The following PDE3B variants were observed in gnomAD, a reference collection of about 807,000 sequenced individuals.
PDE3B encodes phosphodiesterase 3B.
Under a neutral mutation model 116.8 loss-of-function variants are expected in PDE3B, and 66 were observed. The ratio of observed to expected loss-of-function variants is 0.56; its 90% CI spans 0.46 to 0.69. The LOEUF is 0.69. PDE3B is among the 30% of genes least tolerant of loss of function. The pLI is 0.00. For missense variants in PDE3B, 1,384 were observed against 1,368.1 expected, an observed-to-expected ratio of 1.01 and a Z score of -0.18; for synonymous variants, 595 against 533.6, an observed-to-expected ratio of 1.12 and a Z score of -1.59.
chr11:14,650,630 G>A (rs1853546041), intron 1 of PDE3B, among the ~76,000 whole-genome samples: 1 of 152,176 alleles, frequency 6.6e-6, no homozygotes, highest in African/African-American at 2.4e-5. Context: ...GATTAGAGAA[G>A]ATTTGACAGT....
At chr11:14,656,256 T>C (rs990782404) in intron 1 of PDE3B, among the ~76,000 whole-genome samples, 3 of 152,200 alleles carry the variant, frequency 2.0e-5, no homozygotes, top group Admixed American at 1.3e-4. Context: ...GATTAATGCA[T>C]GTTCCAGTTT....
intron 12 of PDE3B, among the ~76,000 whole-genome samples, chr11:14,844,519 G>A (rs1044001032): frequency 6.6e-6 from 1 of 152,226 alleles, no homozygotes. Context: ...TGCGCGAGCC[G>A]AAGCAGGGCG....
At chr11:14,852,832 A>C (rs1847779848) in intron 12 of PDE3B, among the ~76,000 whole-genome samples, 1 of 152,176 alleles carries the variant, frequency 6.6e-6, no homozygotes, top group African/African-American at 2.4e-5. Context: ...TGGCTGAGAC[A>C]TGAGGATTGC....
the PDE3B span, among the ~76,000 whole-genome samples, chr11:14,894,478 G>GC: frequency 6.6e-6 from 1 of 152,222 alleles, no homozygotes; most frequent in Non-Finnish European, 1.5e-5. Flanking sequence ...TCAGGAGTGG[G>GC]CCCCCTGCCA....
intron 12 of PDE3B, among the ~76,000 whole-genome samples, chr11:14,851,751 C>G (rs1029491514): frequency 6.6e-6 from 1 of 152,084 alleles, no homozygotes; most frequent in Non-Finnish European, 1.5e-5. Flanking sequence ...TCTCTCAAAC[C>G]TAGCACATCA....
chr11:14,685,968 T>A (rs1460772246), intron 1 of PDE3B, among the ~76,000 whole-genome samples: 1 of 152,132 alleles, frequency 6.6e-6, no homozygotes, highest in Non-Finnish European at 1.5e-5. Flanking sequence ...GGTAAGCCCT[T>A]TTATGGTTGC....
At chr11:14,841,287 T>C (rs1860214594) in intron 11 of PDE3B, among the ~76,000 whole-genome samples, 1 of 150,824 alleles carries the variant, frequency 6.6e-6, no homozygotes, top group Non-Finnish European at 1.5e-5. Context: ...GCCAGCCTCC[T>C]TAATTTCATG....
At chr11:14,818,466 G>C (rs1464155606) in intron 6 of PDE3B, 73 bp downstream of exon 6, 6 of 991,328 alleles carry the variant, frequency 6.1e-6, no homozygotes, top group Non-Finnish European at 9.3e-6. Context: ...ATTTTGGATA[G>C]GTTCTTGGAA....
chr11:14,820,806 T>G (rs1474241462), intron 7 of PDE3B, among the ~76,000 whole-genome samples: 1 of 152,144 alleles, frequency 6.6e-6, no homozygotes, highest in Non-Finnish European at 1.5e-5. Flanking sequence ...ATACTGGAAC[T>G]TGGCCAGGCT....
chr11:14,882,912 A>G, the PDE3B span, among the ~76,000 whole-genome samples: 1 of 152,226 alleles, frequency 6.6e-6, no homozygotes, highest in African/African-American at 2.4e-5. Context: ...GAGCCAAATC[A>G]TGAGTGAACT....
intron 1 of PDE3B, among the ~76,000 whole-genome samples, chr11:14,695,313 A>G (rs975736182): frequency 6.6e-6 from 1 of 152,124 alleles, no homozygotes; most frequent in Non-Finnish European, 1.5e-5. Context: ...AGTGTTCCAT[A>G]GTTTGAATGG....
chr11:14,768,548 CTTCA>C (rs1348457193), intron 1 of PDE3B, among the ~76,000 whole-genome samples: 5 of 151,480 alleles, frequency 3.3e-5, no homozygotes, highest in Non-Finnish European at 4.4e-5. Flanking sequence ...GCTGTATGTA[CTTCA>C]TTCATTTTCA....
intron 1 of PDE3B, among the ~76,000 whole-genome samples, chr11:14,756,550 C>A (rs1019032338): frequency 1.5e-4 from 23 of 152,254 alleles, no homozygotes; most frequent in African/African-American, 4.8e-4. Context: ...CCTGCTGGTG[C>A]CTCCCGTAGT....
At chr11:14,854,674 G>C (rs1416918922) in intron 12 of PDE3B, among the ~76,000 whole-genome samples, 1 of 152,066 alleles carries the variant, frequency 6.6e-6, no homozygotes, top group African/African-American at 2.4e-5. Flanking sequence ...ATGCCACCAC[G>C]CCCAGCTAAT....
At chr11:14,725,879 T>C (rs1407298191) in intron 1 of PDE3B, among the ~76,000 whole-genome samples, 1 of 151,830 alleles carries the variant, frequency 6.6e-6, no homozygotes, top group African/African-American at 2.4e-5. Context: ...AAAACCAAAA[T>C]TCTTTGATCA....
chr11:14,687,625 A>G (rs1200578437), intron 1 of PDE3B, among the ~76,000 whole-genome samples: 3 of 152,202 alleles, frequency 2.0e-5, no homozygotes, highest in Non-Finnish European at 4.4e-5. Context: ...GCAGATGGCA[A>G]GTTCCCAGGG....
At chr11:14,651,818 G>A (rs1853582817) in intron 1 of PDE3B, among the ~76,000 whole-genome samples, 1 of 152,112 alleles carries the variant, frequency 6.6e-6, no homozygotes, top group Admixed American at 6.5e-5. Context: ...TTCAATATAT[G>A]TATGACTGTA....
rs549737495 is a variant in PDE3B at position 14,808,837 on chromosome 11, A to G, written c.1522+4787A>G. On this transcript the variant is annotated intron_variant, in intron 5 of 15. Transcript: ENST00000282096. ...GTACAAGACTTTTACAATGGAAACT[A>G]TAAAATATTGTTGAAATTAAAGAAG... Among the ~76,000 whole-genome samples the G allele has an allele frequency of 2.0e-5, 3 of 152,360 alleles. No individual in the cohort carries two copies. In the South Asian group the frequency reaches 6.2e-4, roughly 32 times the overall value.
the PDE3B span, chr11:14,890,472 A>G: frequency 1.0e-6 from 1 of 975,834 alleles, no homozygotes; most frequent in Non-Finnish European, 1.2e-6. Context: ...AACGTAAACT[A>G]TTCGTGAACC....
Sources: allele counts gnomAD v4.1 joint callset (sites outside exome capture counted in the v4.1 genomes callset), GRCh38; gene constraint gnomAD v4.1.1; transcripts MANE v1.5; gene names NCBI Gene and HGNC (gene_info 2026-07-23, HGNC 2026-07-21).